PUDP: variants seen among roughly 807,000 people sequenced by gnomAD.
PUDP encodes the protein pseudouridine-5'-phosphatase.
A neutral mutation model predicts 9.4 loss-of-function variants in PUDP; 8 were observed. The ratio of observed to expected loss-of-function variants is 0.85; its 90% CI spans 0.50 to 1.53. The LOEUF (loss-of-function observed/expected upper bound fraction) is 1.53, where lower values mean the gene tolerates loss of function less well. Among genes scored for constraint, PUDP ranks in the 40% most tolerant of loss-of-function variants. PUDP has a pLI of 0.00. For missense variants in PUDP, 188 were observed against 189.7 expected (o/e 0.99, Z 0.05); for synonymous variants, 99 against 80.7 (o/e 1.23, Z -1.22).
chrX:6,871,743 C>T (rs1927178175), intron 3 of PUDP, among the ~76,000 whole-genome samples: 1 of 111,052 alleles, frequency 9.0e-6, no homozygotes, highest in African/African-American at 3.3e-5. Context: ...CCAGGAGATT[C>T]CCACACAAAC....
At chrX:7,050,571 A>T in intron 3 of PUDP, 99 bp from the exon 4 acceptor site, 2 of 748,390 alleles carry the variant, frequency 2.7e-6, no homozygotes, top group South Asian at 5.5e-5. Flanking sequence ...GCAACTGTGC[A>T]GAAAGAGACA....
intron 3 of PUDP, among the ~76,000 whole-genome samples, chrX:6,738,779 C>G (rs1468037826): frequency 9.0e-6 from 1 of 111,372 alleles, no homozygotes; most frequent in African/African-American, 3.3e-5. Context: ...AAAACCTACC[C>G]CAAACCCTCA....
At chrX:7,066,893 G>A (rs749892149) in intron 3 of PUDP, among the ~76,000 whole-genome samples, 4 of 111,594 alleles carry the variant, frequency 3.6e-5, no homozygotes, top group East Asian at 2.8e-4. Context: ...ACACGTGTGC[G>A]CACATGCATG....
intron 2 of PUDP, among the ~76,000 whole-genome samples, chrX:7,083,758 A>C (rs1931179253): frequency 9.1e-6 from 1 of 110,113 alleles, no homozygotes; most frequent in African/African-American, 3.3e-5. Context: ...AAAATTAGCC[A>C]GGCGTGGAGG....
chrX:7,044,999 C>CA (rs748453025), downstream of PUDP, among the ~76,000 whole-genome samples: 17 of 112,226 alleles, frequency 1.5e-4, no homozygotes, highest in Non-Finnish European at 2.8e-4. Flanking sequence ...CTGGGCCTGA[C>CA]AGATCCCCTG....
chrX:6,942,093 T>C (rs1288612437), intron 3 of PUDP, among the ~76,000 whole-genome samples: 1 of 111,408 alleles, frequency 9.0e-6, no homozygotes, highest in Non-Finnish European at 1.9e-5. Flanking sequence ...AAAAATTACC[T>C]ATTGGGTACC....
chrX:6,779,703 G>A (rs1192383624), intron 3 of PUDP, among the ~76,000 whole-genome samples: 1 of 111,679 alleles, frequency 9.0e-6, no homozygotes, highest in Non-Finnish European at 1.9e-5. Context: ...GACCAAGCGG[G>A]TGGATCTCTT....
chrX:6,744,541 T>C (rs1264850908), intron 3 of PUDP, among the ~76,000 whole-genome samples: 1 of 112,111 alleles, frequency 8.9e-6, no homozygotes, highest in Non-Finnish European at 1.9e-5. Flanking sequence ...ATTGAGTCTG[T>C]ATCTTAGATC....
intron 3 of PUDP, among the ~76,000 whole-genome samples, chrX:7,059,338 C>T (rs762984539): frequency 6.2e-5 from 7 of 112,094 alleles, no homozygotes; most frequent in African/African-American, 2.3e-4. Context: ...CCGCGTCCAC[C>T]AATCTGTCAG....
chrX:6,994,374 C>T (rs1029242487), intron 1 of PUDP, among the ~76,000 whole-genome samples: 23 of 112,125 alleles, frequency 2.1e-4, no homozygotes, highest in African/African-American at 7.1e-4. Flanking sequence ...TACTGCATTC[C>T]AGCCTGGGTG....
chrX:6,738,151 G>T (rs1244893193), intron 3 of PUDP, among the ~76,000 whole-genome samples: 35 of 111,280 alleles, frequency 3.1e-4, no homozygotes, highest in Non-Finnish European at 7.5e-5. Context: ...ATCCCAGGGG[G>T]TGTGGTTGGT....
At chrX:6,861,987 T>C (rs1327509390) in intron 3 of PUDP, among the ~76,000 whole-genome samples, 2 of 111,704 alleles carry the variant, frequency 1.8e-5, no homozygotes, top group Admixed American at 9.5e-5. Flanking sequence ...ACATGCTTAG[T>C]GAGAGGCTGT....
chrX:7,064,405 T>TAG (rs1205656357), intron 3 of PUDP, among the ~76,000 whole-genome samples: 2 of 111,910 alleles, frequency 1.8e-5, no homozygotes, highest in Non-Finnish European at 3.8e-5. Context: ...CCAGAAACCG[T>TAG]AGTTCCTAGT....
At chrX:6,906,236 T>C (rs755526034) in intron 3 of PUDP, among the ~76,000 whole-genome samples, 59 of 111,539 alleles carry the variant, frequency 5.3e-4, no homozygotes, top group Non-Finnish European at 8.7e-4. Flanking sequence ...ACTCTCCTCC[T>C]GGTGGCCCTC....
chrX:6,979,464 A>C (rs762148985), intron 1 of PUDP, among the ~76,000 whole-genome samples: 9 of 112,412 alleles, frequency 8.0e-5, no homozygotes, highest in African/African-American at 1.9e-4. Flanking sequence ...TAAAATGAAT[A>C]AGCTGCTCCC....
In PUDP at chrX:6,746,743, G is replaced by T. The variant is rs150462137; in HGVS notation, c.*248-40277C>A. Reference sequence around the variant, plus strand: ...TCATCCATGTCCCCACAAAGGTCATGATCTCATTCTTTTTATGGCTATATA... The same window carrying T: ...TCATCCATGTCCCCACAAAGGTCATTATCTCATTCTTTTTATGGCTATATA... On this transcript the variant is annotated intron_variant and NMD_transcript_variant, in intron 3 of 3. Transcript: ENST00000655425. Among the ~76,000 whole-genome samples the T allele has an allele frequency of 3.6e-3, 404 of 111,294 alleles. 1 individual carries two copies. The highest frequency in any genetic ancestry group is 8.9e-3 in the African/African-American group (271 of 30,599).
chrX:6,738,319 G>C (rs766554187), intron 3 of PUDP, among the ~76,000 whole-genome samples: 23 of 111,319 alleles, frequency 2.1e-4, no homozygotes, highest in Non-Finnish European at 4.0e-4. Flanking sequence ...CATGCGTGTC[G>C]ATTTCTGAGA....
Position 6,874,606 on chromosome X carries a change from G to A in PUDP, c.*247+102527C>T, listed in dbSNP as rs150203475. ...TGTGTTTATACACGCCAAATGAAGT[G>A]TGAAGTTGTACCATGCTGGTGAAGT... On this transcript the variant is annotated intron_variant and NMD_transcript_variant, in intron 3 of 3. Coordinates refer to the PUDP transcript ENST00000655425. Among the ~76,000 whole-genome samples, 966 of 112,105 alleles carry A rather than the reference G, an allele frequency of 8.6e-3. 8 individuals are homozygous for A. Among genetic ancestry groups the A allele is most frequent in the Non-Finnish European group, 0.014 (729 of 53,207 alleles).
chrX:6,947,345 C>A (rs1928484176), intron 3 of PUDP, among the ~76,000 whole-genome samples: 1 of 111,499 alleles, frequency 9.0e-6, no homozygotes, highest in South Asian at 3.7e-4. Context: ...TTGGTCTCAA[C>A]AAATACACAA....
Sources: allele counts gnomAD v4.1 joint callset (sites outside exome capture counted in the v4.1 genomes callset), GRCh38; gene constraint gnomAD v4.1.1; transcripts MANE v1.5; gene names NCBI Gene and HGNC (gene_info 2026-07-23, HGNC 2026-07-21).